LZTFL1: variants seen among roughly 807,000 people sequenced by gnomAD.
LZTFL1 encodes leucine zipper transcription factor like 1.
A neutral mutation model predicts 45.9 loss-of-function variants in LZTFL1; 25 were observed. The ratio of observed to expected loss-of-function variants is 0.54; its 90% CI spans 0.40 to 0.76. The LOEUF is 0.76. LZTFL1 is among the 30% of genes least tolerant of loss of function. LZTFL1 has a pLI of 0.00. For missense variants in LZTFL1, 277 were observed against 331.1 expected (o/e 0.84, Z 1.27); for synonymous variants, 93 against 117.4 (o/e 0.79, Z 1.35).
At position 45,826,107 on chromosome 3, in the gene LZTFL1, A is replaced by G. The variant is rs971506654; in HGVS notation, c.*207T>C. On this transcript the variant is annotated 3_prime_UTR_variant, in exon 10 of 10. Coordinates refer to ENST00000296135, the MANE Select transcript of LZTFL1 (RefSeq NM_020347.4). ...GCTAAGACTCTGGAGCACTCAGTAG[A>G]GAGGTGTGTGGGATGACCAGACAGA... is the stretch of plus-strand genomic sequence containing the variant. 1.4e-5 allele frequency: 8 copies of G among 570,524 alleles called. No homozygotes were observed. Among genetic ancestry groups the G allele is most frequent in the Non-Finnish European group, 2.5e-5 (8 of 321,278 alleles). 35.3% of individuals were successfully genotyped at this position (570,524 alleles called of 1,614,324 possible).
Position 45,859,468 on chromosome 3 carries a change from C to T in LZTFL1, c.-214-452G>A, listed in dbSNP as rs116920238. 1.6e-4 allele frequency among the ~76,000 whole-genome samples: 24 copies of T among 152,260 alleles called. No individual in the cohort carries two copies. The East Asian group carries it at 4.6e-3, about 29-fold the overall frequency. ...TTTCAAACTTCTGGGCTCAATTGAT[C>T]CTCCCACCTTGGCCTCCCAAAGTGC... On this transcript the variant is annotated intron_variant, in intron 2 of 4. Coordinates refer to the LZTFL1 transcript ENST00000472635.
chr3:45,885,800 C>A (rs1701966598), intron 2 of LZTFL1, among the ~76,000 whole-genome samples: 1 of 152,254 alleles, frequency 6.6e-6, no homozygotes, highest in Non-Finnish European at 1.5e-5. Context: ...TGGCTCACTA[C>A]AACCTCTGCC....
At chr3:45,894,674 C>A (rs1406748021) in intron 2 of LZTFL1, among the ~76,000 whole-genome samples, 1 of 152,064 alleles carries the variant, frequency 6.6e-6, no homozygotes, top group Non-Finnish European at 1.5e-5. Context: ...ATCAGGTGAC[C>A]CTCAGAGTCA....
chr3:45,834,188 T>C (rs749736970), intron 4 of LZTFL1, 50 bp downstream of exon 4: 1 of 1,070,092 alleles, frequency 9.3e-7, no homozygotes, highest in Non-Finnish European at 1.4e-6. Context: ...AACTTGAGGA[T>C]TTTAAATACT....
chr3:45,881,474 CT>C (rs1357997744), intron 2 of LZTFL1, among the ~76,000 whole-genome samples: 2 of 152,130 alleles, frequency 1.3e-5, no homozygotes, highest in Non-Finnish European at 2.9e-5. Flanking sequence ...ATTCCTGCTG[CT>C]GCTGCAGGGT....
At chr3:45,915,006 G>A (rs1702869655) in intron 1 of LZTFL1, among the ~76,000 whole-genome samples, 1 of 152,068 alleles carries the variant, frequency 6.6e-6, no homozygotes, top group Admixed American at 6.5e-5. Flanking sequence ...AAAGCATGCA[G>A]GGCCCTGTTT....
chr3:45,832,365 C>G (rs1165740404), intron 5 of LZTFL1, among the ~76,000 whole-genome samples: 2 of 152,186 alleles, frequency 1.3e-5, no homozygotes, highest in Non-Finnish European at 2.9e-5. Flanking sequence ...TAGCTGAAAT[C>G]TGAAATGCTT....
chr3:45,851,476 C>T (rs1367405135), intron 4 of LZTFL1, among the ~76,000 whole-genome samples: 1 of 151,856 alleles, frequency 6.6e-6, no homozygotes, highest in African/African-American at 2.4e-5. Context: ...CCGCCCGCCT[C>T]GGCCTCCCAA....
intron 2 of LZTFL1, among the ~76,000 whole-genome samples, chr3:45,875,482 T>C (rs952910982): frequency 6.6e-6 from 1 of 152,058 alleles, no homozygotes; most frequent in African/African-American, 2.4e-5. Flanking sequence ...ACAAATCCCT[T>C]GATCTCTCTG....
At chr3:45,909,768 G>T (rs911332456) in intron 2 of LZTFL1, among the ~76,000 whole-genome samples, 1 of 152,234 alleles carries the variant, frequency 6.6e-6, no homozygotes, top group Non-Finnish European at 1.5e-5. Context: ...TTTCTCAGGG[G>T]GGTAATCTCC....
chr3:45,878,519 C>A (rs1436987658), intron 2 of LZTFL1, among the ~76,000 whole-genome samples: 1 of 150,800 alleles, frequency 6.6e-6, no homozygotes, highest in Admixed American at 6.6e-5. Flanking sequence ...GGATGGGGCC[C>A]ATTTCTAATG....
At chr3:45,832,712 C>T (rs746783987) in intron 5 of LZTFL1, 3 of 184,514 alleles carry the variant, frequency 1.6e-5, no homozygotes, top group Non-Finnish European at 3.4e-5. Context: ...TAGGCACGTA[C>T]CACCACACCC....
chr3:45,890,351 A>ATATATATATT (rs1702137593), intron 2 of LZTFL1, among the ~76,000 whole-genome samples: 2 of 9,686 alleles, frequency 2.1e-4, no homozygotes, highest in Non-Finnish European at 3.6e-4. Context: ...TATATATAAC[A>ATATATATATT]TATATATATA....
At chr3:45,890,886 T>C (rs1298961216) in intron 2 of LZTFL1, among the ~76,000 whole-genome samples, 19 of 152,188 alleles carry the variant, frequency 1.2e-4, no homozygotes, top group Admixed American at 6.5e-5. Context: ...CTGAAGAATG[T>C]TTAATGATGA....
intron 1 of LZTFL1, among the ~76,000 whole-genome samples, chr3:45,840,744 A>C (rs1701086047): frequency 6.6e-6 from 1 of 152,224 alleles, no homozygotes; most frequent in African/African-American, 2.4e-5. Flanking sequence ...GATAGAAGAG[A>C]AATGGGTAAG....
At chr3:45,836,364 T>C (rs2125687732) in intron 2 of LZTFL1, among the ~76,000 whole-genome samples, 1 of 152,254 alleles carries the variant, frequency 6.6e-6, no homozygotes, top group Non-Finnish European at 1.5e-5. Context: ...ATTAGAAATC[T>C]ACTCTCAGGG....
At position 45,889,304 on chromosome 3, in the gene LZTFL1, T is replaced by TA. The variant is rs57833297; in HGVS notation, c.-215+23815dup. Among the ~76,000 whole-genome samples, 68 of 148,466 alleles carry TA rather than the reference T, an allele frequency of 4.6e-4. No individual in the cohort carries two copies. In the East Asian group the frequency reaches 5.3e-3, roughly 12 times the overall value. The stretch of plus-strand genomic sequence containing the variant: ...CTGGCTTGTGTTTATATATTACCTT[T>TA]AAAAAAAAAAATAAAGAGAAACCTT... On this transcript the variant is annotated intron_variant, in intron 2 of 4. Coordinates refer to the LZTFL1 transcript ENST00000472635.
intron 2 of LZTFL1, among the ~76,000 whole-genome samples, chr3:45,891,956 G>A (rs533067335): frequency 6.6e-6 from 1 of 152,248 alleles, no homozygotes; most frequent in African/African-American, 2.4e-5. Flanking sequence ...ATGTGACACT[G>A]GTTTGCTTCC....
At chr3:45,868,962 C>A (rs1248246421) in intron 2 of LZTFL1, among the ~76,000 whole-genome samples, 1 of 152,206 alleles carries the variant, frequency 6.6e-6, no homozygotes, top group Non-Finnish European at 1.5e-5. Context: ...CACCCCAGAC[C>A]TACTGACTCA....
Sources: allele counts gnomAD v4.1 joint callset (sites outside exome capture counted in the v4.1 genomes callset), GRCh38; gene constraint gnomAD v4.1.1; transcripts MANE v1.5; gene names NCBI Gene and HGNC (gene_info 2026-07-23, HGNC 2026-07-21).